The following ITGA8 variants were observed in gnomAD, a reference collection of about 807,000 sequenced individuals.
ITGA8 encodes the protein integrin alpha-8.
A neutral mutation model predicts 142.3 loss-of-function variants in ITGA8; 91 were observed. The observed-to-expected ratio is 0.64, with a 90% confidence interval of 0.54 to 0.76. ITGA8 has a LOEUF of 0.76. Ranked by LOEUF, ITGA8 falls within the 30% of genes least tolerant of loss-of-function variation. The pLI, the probability that ITGA8 is intolerant of heterozygous loss-of-function variation, is 0.00. For synonymous variants in ITGA8, 505 were observed against 485.2 expected, an observed-to-expected ratio of 1.04 and a Z score of -0.54; for missense variants, 1,406 against 1,327.7, an observed-to-expected ratio of 1.06 and a Z score of -0.92.
In ITGA8 at chr10:15,597,292, C is replaced by T. The variant is rs867515862; in HGVS notation, c.2126G>A (p.Arg709Gln). Residue 709 changes from arginine (R) to glutamine (Q), a missense_variant, in exon 21 of 30, where the codon CGA (arginine) becomes CAA (glutamine). Coordinates refer to ENST00000378076, the MANE Select transcript of ITGA8 (RefSeq NM_003638.3). ...VGIERNNKGF[R>Q]PLSCEYKMEN... ...CATCTTGTACTCACAGCTCAGTGGTCGAAATCCCTACAATTGCAAAGAACA... is the reference window on the plus strand; with the variant it reads ...CATCTTGTACTCACAGCTCAGTGGTTGAAATCCCTACAATTGCAAAGAACA... 7 of 1,613,610 alleles carry T rather than the reference C, an allele frequency of 4.3e-6. No individual in the cohort carries two copies. The highest frequency in any genetic ancestry group is 3.3e-5 in the South Asian group (3 of 91,042).
chr10:15,560,720 A>T (rs1833959555), intron 25 of ITGA8, among the ~76,000 whole-genome samples: 1 of 152,186 alleles, frequency 6.6e-6, no homozygotes, highest in African/African-American at 2.4e-5. Context: ...ACAACAGCAA[A>T]TGTAGTAAGA....
At chr10:15,682,589 G>A (rs533557872) in intron 4 of ITGA8, among the ~76,000 whole-genome samples, 96 of 152,152 alleles carry the variant, frequency 6.3e-4, no homozygotes, top group African/African-American at 2.1e-3. Context: ...GTGTGGCGGC[G>A]CACGACTGTA....
At chr10:15,556,772 G>C (rs909001257) in intron 26 of ITGA8, among the ~76,000 whole-genome samples, 2 of 152,244 alleles carry the variant, frequency 1.3e-5, no homozygotes, top group East Asian at 3.9e-4. Context: ...TAGCCACTCT[G>C]TTGTGCTATC....
intron 25 of ITGA8, among the ~76,000 whole-genome samples, chr10:15,559,533 G>A (rs1490536224): frequency 6.6e-6 from 1 of 152,194 alleles, no homozygotes; most frequent in Non-Finnish European, 1.5e-5. Context: ...ATCTAGGAAA[G>A]TGTCGTTTTT....
intron 25 of ITGA8, among the ~76,000 whole-genome samples, chr10:15,559,652 A>G (rs1172205262): frequency 6.6e-6 from 1 of 152,158 alleles, no homozygotes; most frequent in Non-Finnish European, 1.5e-5. Context: ...GAACTTGGCA[A>G]TTTTGTCATG....
rs1833927606 is a variant in ITGA8, at chr10:15,644,333, T to A, written c.1208-112A>T. On this transcript the variant is annotated intron_variant, in intron 12 of 29. Transcript: ENST00000378076. The stretch of plus-strand genomic sequence containing the variant: ...CCCAAGCTGGAGTGCAGTGGTGGGA[T>A]CATGGCTCACCGCAGCCCCACACTC... 1.1e-5 allele frequency: 11 copies of A among 988,278 alleles called. No individual in the cohort carries two copies. The East Asian group carries it at 2.9e-4, about 26-fold the overall frequency. The allele number at this position is 988,278 out of a possible 1,614,324, so 61.2% of individuals were successfully genotyped here. A position where few individuals can be genotyped will look rare whatever the true frequency, so the allele number is the denominator to read the frequency against.
intron 25 of ITGA8, among the ~76,000 whole-genome samples, chr10:15,565,407 T>C (rs1444183172): frequency 6.6e-6 from 1 of 151,994 alleles, no homozygotes; most frequent in African/African-American, 2.4e-5. Context: ...GGAGAGTTTA[T>C]AGAAGACAGC....
At chr10:15,626,692 G>A (rs1833588680) in intron 13 of ITGA8, among the ~76,000 whole-genome samples, 1 of 152,162 alleles carries the variant, frequency 6.6e-6, no homozygotes, top group African/African-American at 2.4e-5. Flanking sequence ...GAGATCATCT[G>A]GGTGGGCCCT....
intron 8 of ITGA8, among the ~76,000 whole-genome samples, chr10:15,665,355 A>T (rs1172325810): frequency 6.6e-6 from 1 of 151,756 alleles, no homozygotes; most frequent in Non-Finnish European, 1.5e-5. Flanking sequence ...CCACTTTTTG[A>T]TGGGGTTGTT....
At chr10:15,673,259 G>A (rs532662817) in intron 6 of ITGA8, among the ~76,000 whole-genome samples, 3 of 152,126 alleles carry the variant, frequency 2.0e-5, no homozygotes, top group South Asian at 4.2e-4. Context: ...AATTTTTTGT[G>A]TTTGTAGTAG....
intron 15 of ITGA8, 78 bp from the exon 16 acceptor site, chr10:15,608,368 A>G: frequency 1.3e-6 from 1 of 788,402 alleles, no homozygotes; most frequent in South Asian, 1.6e-5. Context: ...CTAATCCCAG[A>G]TAACGAATAT....
intron 25 of ITGA8, among the ~76,000 whole-genome samples, chr10:15,560,722 G>T (rs1833959610): frequency 6.6e-6 from 1 of 152,150 alleles, no homozygotes; most frequent in South Asian, 2.1e-4. Flanking sequence ...AACAGCAAAT[G>T]TAGTAAGATT....
chr10:15,687,671 G>A (rs1834856591), intron 3 of ITGA8, among the ~76,000 whole-genome samples: 1 of 152,128 alleles, frequency 6.6e-6, no homozygotes, highest in African/African-American at 2.4e-5. Context: ...ACTTTAAGAT[G>A]TAGCTTTTAC....
At chr10:15,533,752 GAA>G (rs1377004555) in intron 27 of ITGA8, among the ~76,000 whole-genome samples, 2 of 152,156 alleles carry the variant, frequency 1.3e-5, no homozygotes, top group Non-Finnish European at 2.9e-5. Context: ...TTATAAATGC[GAA>G]AGTTTCCTAA....
rs150761142 is a variant in ITGA8 at position 15,569,190 on chromosome 10, A to G, written c.2637+3021T>C. Among the ~76,000 whole-genome samples, 14 of 152,318 alleles carry G rather than the reference A, an allele frequency of 9.2e-5. No homozygotes were observed. The East Asian group carries it at 2.7e-3, about 29-fold the overall frequency. On this transcript the variant is annotated intron_variant, in intron 25 of 29. Coordinates refer to ENST00000378076, the MANE Select transcript of ITGA8 (RefSeq NM_003638.3). ...ATTTTGCTGAAAGAAAATCAATGGA[A>G]TGATTAAAGAGGAAAACGTAGGAAG...
intron 24 of ITGA8, 145 bp from the exon 25 acceptor site, chr10:15,572,514 CAA>C (rs1834204939): frequency 2.8e-6 from 2 of 709,710 alleles, no homozygotes; most frequent in Middle Eastern, 3.5e-4. Context: ...TAAGAAAATT[CAA>C]AGTCGATATG....
chr10:15,539,117 T>A (rs549704631), intron 27 of ITGA8, among the ~76,000 whole-genome samples: 1 of 152,292 alleles, frequency 6.6e-6, no homozygotes, highest in African/African-American at 2.4e-5. Context: ...GTGTGCTTGC[T>A]TCTTCCATTT....
rs113514504 is a variant in ITGA8 at position 15,607,401 on chromosome 10, G to A, written c.1764+276C>T. Among the ~76,000 whole-genome samples the A allele has an allele frequency of 3.1e-3, 470 of 152,266 alleles. 4 individuals carry two copies. Among genetic ancestry groups the A allele is most frequent in the African/African-American group, 0.011 (451 of 41,552 alleles). On this transcript the variant is annotated intron_variant, in intron 17 of 29. Coordinates refer to ENST00000378076, the MANE Select transcript of ITGA8 (RefSeq NM_003638.3). ...CACTTTTATGTATTTTGGGGAGGAGGTGGGTAGAAATGAAAACCATGTGAG... is the reference window on the plus strand; with the variant it reads ...CACTTTTATGTATTTTGGGGAGGAGATGGGTAGAAATGAAAACCATGTGAG...
intron 3 of ITGA8, among the ~76,000 whole-genome samples, chr10:15,687,369 G>C (rs1410607984): frequency 1.3e-5 from 2 of 152,058 alleles, no homozygotes; most frequent in African/African-American, 4.8e-5. Flanking sequence ...ACTTAGACAT[G>C]TATCATTGCT....
Sources: allele counts gnomAD v4.1 joint callset (sites outside exome capture counted in the v4.1 genomes callset), GRCh38; gene constraint gnomAD v4.1.1; transcripts MANE v1.5; gene names NCBI Gene and HGNC (gene_info 2026-07-23, HGNC 2026-07-21).